The following FGGY variants were observed in gnomAD, a reference collection of about 807,000 sequenced individuals.
FGGY encodes the protein FGGY carbohydrate kinase domain-containing protein.
Under a neutral mutation model 71.3 loss-of-function variants are expected in FGGY, and 72 were observed. That is an observed-to-expected ratio of 1.01 (90% CI 0.84 to 1.23). The LOEUF is 1.23. FGGY is among the 50% of genes most tolerant of loss of function. The pLI is 0.00. For missense variants in FGGY, 668 were observed against 682.3 expected (o/e 0.98, Z 0.23); for synonymous variants, 251 against 250.3 (o/e 1.00, Z -0.02).
intron 7 of FGGY, among the ~76,000 whole-genome samples, chr1:59,540,716 C>G (rs191786102): frequency 1.3e-5 from 2 of 152,216 alleles, no homozygotes; most frequent in African/African-American, 4.8e-5. Flanking sequence ...CTGGGCCGCC[C>G]TGTGCTAGGC....
rs115210598 is a variant in FGGY, at chr1:59,687,258, C to A, written c.1512+13125C>A. Reference sequence around the variant, plus strand: ...GCATTTTCTGTCTGATTCCAGCTCCCAGCCTCTCTCAGATCCCAGTTCTGG... The same window carrying A: ...GCATTTTCTGTCTGATTCCAGCTCCAAGCCTCTCTCAGATCCCAGTTCTGG... On this transcript the variant is annotated intron_variant, in intron 14 of 15. Transcript: ENST00000303721. Among the ~76,000 whole-genome samples the A allele has an allele frequency of 6.5e-3, 996 of 152,260 alleles. 10 individuals are homozygous for A. The highest frequency in any genetic ancestry group is 0.023 in the African/African-American group (939 of 41,546).
At chr1:59,468,091 C>T (rs376873889) in intron 6 of FGGY, among the ~76,000 whole-genome samples, 78 of 151,976 alleles carry the variant, frequency 5.1e-4, no homozygotes, top group Middle Eastern at 6.8e-3. Flanking sequence ...TTAGTAGAGA[C>T]GGGGTTGCTC....
intron 1 of FGGY, among the ~76,000 whole-genome samples, chr1:59,300,328 A>T (rs2042574066): frequency 6.6e-6 from 1 of 152,218 alleles, no homozygotes; most frequent in South Asian, 2.1e-4. Context: ...TCCATTTTAA[A>T]AAATGAGCCT....
intron 11 of FGGY, among the ~76,000 whole-genome samples, chr1:59,642,991 C>A (rs142079150): frequency 6.9e-6 from 1 of 145,700 alleles, no homozygotes; most frequent in Non-Finnish European, 1.5e-5. Flanking sequence ...GCCAAGATCA[C>A]GCCACTGCAC....
At chr1:59,563,051 A>G (rs1046809310) in intron 8 of FGGY, among the ~76,000 whole-genome samples, 13 of 152,186 alleles carry the variant, frequency 8.5e-5, no homozygotes, top group Non-Finnish European at 4.4e-5. Context: ...AACCGAGATA[A>G]TTTGACTTCC....
intron 6 of FGGY, among the ~76,000 whole-genome samples, chr1:59,499,116 A>T (rs1023362281): frequency 4.0e-5 from 6 of 151,866 alleles, no homozygotes; most frequent in Non-Finnish European, 7.4e-5. Context: ...CAGCCCCCCA[A>T]ATCTGGATGA....
In FGGY at chr1:59,697,149, T is replaced by G. The variant is rs538996038; in HGVS notation, c.1512+23016T>G. Among the ~76,000 whole-genome samples the G allele has an allele frequency of 2.6e-5, 4 of 152,336 alleles. No homozygotes were observed. The East Asian group carries it at 7.7e-4, about 29-fold the overall frequency. ...ATTGTACATAATTGTAAATCACCAT[T>G]GGAGGAGGTGGTCCTGGTTGTATTC... is the stretch of plus-strand genomic sequence containing the variant. On this transcript the variant is annotated intron_variant, in intron 14 of 15. Coordinates refer to ENST00000303721, the MANE Select transcript of FGGY (RefSeq NM_018291.5).
intron 1 of FGGY, among the ~76,000 whole-genome samples, chr1:59,309,182 G>T (rs1347200229): frequency 1.3e-5 from 2 of 152,076 alleles, no homozygotes; most frequent in Non-Finnish European, 2.9e-5. Flanking sequence ...GAAACAGCCT[G>T]TTTCCCACAC....
chr1:59,673,763 C>T (rs2097404791), intron 13 of FGGY: 1 of 351,976 alleles, frequency 2.8e-6, no homozygotes, highest in African/African-American at 2.0e-5. Flanking sequence ...TAGCAGCTTG[C>T]AGAAGCCTGA....
At chr1:59,538,056 A>G (rs1232429795) in intron 7 of FGGY, among the ~76,000 whole-genome samples, 5 of 152,194 alleles carry the variant, frequency 3.3e-5, no homozygotes, top group Non-Finnish European at 7.3e-5. Context: ...CAGACTGAAC[A>G]GGCAACCTAC....
At chr1:59,463,930 C>A (rs1343430534) in intron 6 of FGGY, among the ~76,000 whole-genome samples, 3 of 152,068 alleles carry the variant, frequency 2.0e-5, no homozygotes, top group Admixed American at 1.3e-4. Flanking sequence ...ACTTTAACAC[C>A]CCACTGTCAA....
intron 14 of FGGY, among the ~76,000 whole-genome samples, chr1:59,732,208 G>C (rs555260621): frequency 6.6e-6 from 1 of 152,218 alleles, no homozygotes; most frequent in South Asian, 2.1e-4. Flanking sequence ...CATTTGACCA[G>C]AGAATTTTAC....
intron 1 of FGGY, among the ~76,000 whole-genome samples, chr1:59,297,691 C>T (rs896149449): frequency 6.6e-6 from 1 of 151,910 alleles, no homozygotes; most frequent in African/African-American, 2.4e-5. Context: ...GGCGTGGTGG[C>T]GGGCGCCTGC....
At chr1:59,405,925 T>A (rs2062666064) in intron 5 of FGGY, among the ~76,000 whole-genome samples, 1 of 151,996 alleles carries the variant, frequency 6.6e-6, no homozygotes, top group Non-Finnish European at 1.5e-5. Flanking sequence ...AGCTTTTTTT[T>A]TTTTCTTTTT....
Position 59,608,738 on chromosome 1 carries a change from A to G in FGGY, c.1011+828A>G, listed in dbSNP as rs12562574. ...ATCTCAGCTACTCAGATACTCTCCTAAGACAGGAGAATCACTTGAATCTGG... is the reference window on the plus strand; with the variant it reads ...ATCTCAGCTACTCAGATACTCTCCTGAGACAGGAGAATCACTTGAATCTGG... On this transcript the variant is annotated intron_variant, in intron 9 of 15. Coordinates refer to ENST00000303721, the MANE Select transcript of FGGY (RefSeq NM_018291.5). Among the ~76,000 whole-genome samples, 20 of 152,170 alleles carry G rather than the reference A, an allele frequency of 1.3e-4. No individual in the cohort carries two copies. In the East Asian group the frequency reaches 3.7e-3, roughly 28 times the overall value.
At chr1:59,639,466 G>T (rs953744642) in intron 11 of FGGY, among the ~76,000 whole-genome samples, 9 of 152,134 alleles carry the variant, frequency 5.9e-5, no homozygotes, top group Non-Finnish European at 1.0e-4. Flanking sequence ...AACAAATCAT[G>T]AGCTTGGTGT....
Position 59,438,912 on chromosome 1 carries a change from G to C in FGGY, c.555-18049G>C, listed in dbSNP as rs185030525. On this transcript the variant is annotated intron_variant, in intron 5 of 15. Transcript: ENST00000303721. ...TTTGTTCTGGATGAGGCCAGTCTCT[G>C]TTCCAACGCATGATTTAAATATACA... 9.9e-5 allele frequency among the ~76,000 whole-genome samples: 15 copies of C among 152,190 alleles called. No homozygotes were observed. In the East Asian group the frequency reaches 2.5e-3, roughly 25 times the overall value.
At chr1:59,611,835 A>G (rs1243423074) in intron 9 of FGGY, among the ~76,000 whole-genome samples, 1 of 152,264 alleles carries the variant, frequency 6.6e-6, no homozygotes, top group East Asian at 1.9e-4. Context: ...CCATGGCACG[A>G]GAACTATGTG....
At chr1:59,499,712 G>A (rs1321067072) in intron 6 of FGGY, among the ~76,000 whole-genome samples, 1 of 152,144 alleles carries the variant, frequency 6.6e-6, no homozygotes, top group Non-Finnish European at 1.5e-5. Flanking sequence ...ACATAGGCTA[G>A]GAAAAGAACC....
Sources: allele counts gnomAD v4.1 joint callset (sites outside exome capture counted in the v4.1 genomes callset), GRCh38; gene constraint gnomAD v4.1.1; transcripts MANE v1.5; gene names NCBI Gene and HGNC (gene_info 2026-07-23, HGNC 2026-07-21).